LRMDA: variants seen among roughly 807,000 people sequenced by gnomAD.
The protein encoded by LRMDA is leucine-rich melanocyte differentiation-associated protein.
Under a neutral mutation model 29.8 loss-of-function variants are expected in LRMDA, and 18 were observed. The observed-to-expected ratio is 0.60, with a 90% CI of 0.42 to 0.90. The LOEUF is 0.90. Among genes scored for constraint, LRMDA ranks in the 40% least tolerant of loss-of-function variants. The pLI is 0.00. For missense variants in LRMDA, 273 were observed against 273.9 expected, an observed-to-expected ratio of 1.00 and a Z score of 0.02; for synonymous variants, 125 against 109.4, an observed-to-expected ratio of 1.14 and a Z score of -0.89.
At chr10:75,745,712 G>C (rs1842882758) in intron 2 of LRMDA, among the ~76,000 whole-genome samples, 1 of 152,076 alleles carries the variant, frequency 6.6e-6, no homozygotes, top group Non-Finnish European at 1.5e-5. Context: ...TTCCATTTCT[G>C]TCCTTTTTCT....
intron 2 of LRMDA, among the ~76,000 whole-genome samples, chr10:75,929,099 T>C (rs1003141179): frequency 6.6e-6 from 1 of 152,180 alleles, no homozygotes; most frequent in African/African-American, 2.4e-5. Context: ...GGGTCCTGTT[T>C]CAGCTCTACC....
At chr10:75,570,326 A>G (rs1056577206) in intron 2 of LRMDA, among the ~76,000 whole-genome samples, 1 of 152,234 alleles carries the variant, frequency 6.6e-6, no homozygotes, top group African/African-American at 2.4e-5. Context: ...ACCTTTATTG[A>G]TGACTTCCCT....
intron 2 of LRMDA, among the ~76,000 whole-genome samples, chr10:75,448,580 A>G (rs1329949618): frequency 6.6e-6 from 1 of 152,162 alleles, no homozygotes; most frequent in East Asian, 1.9e-4. Flanking sequence ...TTATTGTCAC[A>G]GTGATGGGGG....
chr10:76,444,851 G>A (rs1842338264), intron 6 of LRMDA, among the ~76,000 whole-genome samples: 1 of 151,988 alleles, frequency 6.6e-6, no homozygotes, highest in African/African-American at 2.4e-5. Flanking sequence ...TGTGCATAGT[G>A]TATACATATG....
chr10:75,572,720 A>T (rs140378006), intron 2 of LRMDA, among the ~76,000 whole-genome samples: 4 of 152,336 alleles, frequency 2.6e-5, no homozygotes, highest in Admixed American at 6.5e-5. Context: ...CACTTTGAAG[A>T]TACTATTCTG....
chr10:75,961,615 G>C (rs767069046), intron 2 of LRMDA, among the ~76,000 whole-genome samples: 1 of 152,152 alleles, frequency 6.6e-6, no homozygotes, highest in Non-Finnish European at 1.5e-5. Flanking sequence ...TCAGTCGAGG[G>C]GTATAGTAAG....
intron 6 of LRMDA, among the ~76,000 whole-genome samples, chr10:76,508,726 G>T (rs960841818): frequency 6.6e-6 from 1 of 152,098 alleles, no homozygotes; most frequent in African/African-American, 2.4e-5. Flanking sequence ...CTGGAGGAAG[G>T]TACTTAGAAA....
rs114994481 is a variant in LRMDA at position 75,669,736 on chromosome 10, C to T, written c.131+231242C>T. ...ACTAATAATTTATTATTTGGTGTTA[C>T]GCCTCAGTACTTTTTGGTGACACTA... On this transcript the variant is annotated intron_variant, in intron 2 of 6. Coordinates refer to ENST00000611255, the MANE Select transcript of LRMDA (RefSeq NM_001305581.2). 9.2e-3 allele frequency among the ~76,000 whole-genome samples: 1,397 copies of T among 152,236 alleles called. 26 individuals carry two copies. The highest frequency in any genetic ancestry group is 0.029 in the South Asian group (142 of 4,818).
intron 2 of LRMDA, among the ~76,000 whole-genome samples, chr10:75,824,421 A>G (rs1164634175): frequency 6.6e-6 from 1 of 152,214 alleles, no homozygotes; most frequent in Non-Finnish European, 1.5e-5. Context: ...CTATAGTGGC[A>G]GAGTTGACTA....
At chr10:76,491,356 G>A (rs1193173395) in intron 6 of LRMDA, among the ~76,000 whole-genome samples, 1 of 151,914 alleles carries the variant, frequency 6.6e-6, no homozygotes, top group African/African-American at 2.4e-5. Context: ...TTCTTGTAGG[G>A]CAGTCTGGTG....
chr10:76,499,756 A>C (rs1362289057), intron 6 of LRMDA, among the ~76,000 whole-genome samples: 1 of 75,294 alleles, frequency 1.3e-5, no homozygotes, highest in East Asian at 2.5e-4. Flanking sequence ...GATCCAACCC[A>C]GGATCACATA....
intron 2 of LRMDA, among the ~76,000 whole-genome samples, chr10:75,956,018 G>T (rs1038686181): frequency 6.6e-6 from 1 of 151,956 alleles, no homozygotes; most frequent in African/African-American, 2.4e-5. Flanking sequence ...TAATTTCTAT[G>T]GGCAAGGGAT....
In LRMDA at chr10:75,453,012, G is replaced by A. The variant is rs188429594; in HGVS notation, c.131+14518G>A. ...TAGTAAATGTGGGGATCTTTTGAGA[G>A]GAAAAGACTTGTATATTTGGGGTGG... On this transcript the variant is annotated intron_variant, in intron 2 of 6. Transcript: ENST00000611255. Among the ~76,000 whole-genome samples, 7 of 152,266 alleles carry A rather than the reference G, an allele frequency of 4.6e-5. No homozygotes were observed. The East Asian group carries it at 1.2e-3, about 25-fold the overall frequency.
chr10:75,688,077 A>C (rs780558200), intron 2 of LRMDA, among the ~76,000 whole-genome samples: 6 of 152,244 alleles, frequency 3.9e-5, no homozygotes, highest in Non-Finnish European at 7.3e-5. Flanking sequence ...AAGGAGATCA[A>C]TGTTGTTTTC....
intron 6 of LRMDA, among the ~76,000 whole-genome samples, chr10:76,456,748 C>T (rs1842460521): frequency 6.6e-6 from 1 of 151,728 alleles, no homozygotes; most frequent in Admixed American, 6.6e-5. Flanking sequence ...CTCTGATGTG[C>T]CCAGCCTGTC....
chr10:75,895,869 G>A (rs1309575658), intron 2 of LRMDA, among the ~76,000 whole-genome samples: 1 of 152,222 alleles, frequency 6.6e-6, no homozygotes, highest in Non-Finnish European at 1.5e-5. Flanking sequence ...GAAGTTGTAT[G>A]AGAAATGAGT....
chr10:75,845,652 A>G (rs1331097838), intron 2 of LRMDA, among the ~76,000 whole-genome samples: 1 of 152,206 alleles, frequency 6.6e-6, no homozygotes, highest in Non-Finnish European at 1.5e-5. Flanking sequence ...GACTCAGGCC[A>G]TCAATTGCAC....
At chr10:75,639,433 T>C (rs923595346) in intron 2 of LRMDA, among the ~76,000 whole-genome samples, 1 of 152,206 alleles carries the variant, frequency 6.6e-6, no homozygotes, top group Non-Finnish European at 1.5e-5. Flanking sequence ...CACATATCTT[T>C]CTTCAGATTC....
intron 6 of LRMDA, among the ~76,000 whole-genome samples, chr10:76,446,288 G>T (rs537402128): frequency 6.6e-6 from 1 of 152,216 alleles, no homozygotes; most frequent in East Asian, 1.9e-4. Context: ...TTCCTACACA[G>T]ATGATCATTT....
Sources: allele counts gnomAD v4.1 joint callset (sites outside exome capture counted in the v4.1 genomes callset), GRCh38; gene constraint gnomAD v4.1.1; transcripts MANE v1.5; gene names NCBI Gene and HGNC (gene_info 2026-07-23, HGNC 2026-07-21).